Variants in TENM2 observed in about 807,000 individuals in gnomAD.
The protein encoded by TENM2 is teneurin-2.
In TENM2, 52 loss-of-function variants were observed where a neutral mutation model predicts 245.2. The ratio of observed to expected loss-of-function variants is 0.21; its 90% CI spans 0.17 to 0.27. TENM2 has a LOEUF of 0.27. Among genes scored for constraint, TENM2 ranks in the 10% least tolerant of loss-of-function variants. The pLI, the probability that TENM2 is intolerant of heterozygous loss-of-function variation, is 1.00. For missense variants in TENM2, 3,046 were observed against 3,666.8 expected (o/e 0.83, Z 4.37); for synonymous variants, 1,363 against 1,438.9 (o/e 0.95, Z 1.19).
intron 10 of TENM2, among the ~76,000 whole-genome samples, chr5:168,122,705 T>A (rs1795555181): frequency 6.6e-6 from 1 of 151,804 alleles, no homozygotes; most frequent in Admixed American, 6.6e-5. Flanking sequence ...TTTGGGGGAG[T>A]GTACCCCTGA....
exon 29 of TENM2, chr5:168,262,692 C>T: frequency 3.1e-6 from 5 of 1,610,286 alleles, no homozygotes; most frequent in Non-Finnish European, 4.2e-6. Context: ...CTTCTGAGCA[C>T]CGGGCGCGTG....
intron 3 of TENM2, among the ~76,000 whole-genome samples, chr5:167,908,877 G>A (rs1489811408): frequency 6.6e-6 from 1 of 151,810 alleles, no homozygotes; most frequent in African/African-American, 2.4e-5. Context: ...TGCACACCAT[G>A]GGCATCATAG....
the TENM2 span, among the ~76,000 whole-genome samples, chr5:166,985,429 T>C: frequency 6.6e-6 from 1 of 152,172 alleles, no homozygotes; most frequent in African/African-American, 2.4e-5. Context: ...CACTGAAACT[T>C]CTTGAGAAGG....
At chr5:167,348,734 A>G (rs1401346713) in intron 1 of TENM2, among the ~76,000 whole-genome samples, 1 of 152,200 alleles carries the variant, frequency 6.6e-6, no homozygotes, top group Non-Finnish European at 1.5e-5. Flanking sequence ...AACATTAATG[A>G]GTAACTATTA....
intron 2 of TENM2, among the ~76,000 whole-genome samples, chr5:167,404,501 G>A (rs1255019234): frequency 6.6e-6 from 1 of 152,090 alleles, no homozygotes; most frequent in Non-Finnish European, 1.5e-5. Context: ...GCCCACTGGG[G>A]AGAGATAAAC....
rs58985992 is a variant in TENM2, at chr5:167,640,860, C to CATATATATATATATATAT, written c.503-235097_503-235080dup. 6.1e-4 allele frequency among the ~76,000 whole-genome samples: 29 copies of CATATATATATATATATAT among 47,394 alleles called. 2 individuals carry two copies. Among genetic ancestry groups the CATATATATATATATATAT allele is most frequent in the Non-Finnish European group, 1.3e-3 (21 of 15,558 alleles). The allele number at this position is 47,394 out of a possible 152,430, so 31.1% of individuals were successfully genotyped here. ...ATATATCCATATATATATATATATC[C>CATATATATATATATATAT]ATATATATATATATATATATATATA... is the stretch of plus-strand genomic sequence containing the variant. On this transcript the variant is annotated intron_variant, in intron 2 of 28. Transcript: ENST00000518659.
At chr5:167,546,462 A>T (rs1772566064) in intron 2 of TENM2, among the ~76,000 whole-genome samples, 2 of 152,208 alleles carry the variant, frequency 1.3e-5, no homozygotes, top group South Asian at 4.1e-4. Context: ...ATCTTTAATC[A>T]AGAAATGGAG....
the TENM2 span, among the ~76,000 whole-genome samples, chr5:167,205,634 C>T: frequency 6.6e-6 from 1 of 152,128 alleles, no homozygotes; most frequent in African/African-American, 2.4e-5. Flanking sequence ...TGCTGCTTAA[C>T]AAAATTACCC....
chr5:167,845,239 CCACACACACACACACACA>C (rs55784312), intron 2 of TENM2, among the ~76,000 whole-genome samples: 17 of 96,986 alleles, frequency 1.8e-4, no homozygotes, highest in African/African-American at 6.1e-4. Context: ...CCCTCCCGCG[CCACACACACACACACACA>C]CACACACACA....
At chr5:168,074,352 C>T (rs1791277235) in intron 7 of TENM2, among the ~76,000 whole-genome samples, 1 of 152,098 alleles carries the variant, frequency 6.6e-6, no homozygotes, top group Non-Finnish European at 1.5e-5. Context: ...CCTGCCAACC[C>T]CAGAGGGCCT....
At chr5:167,429,366 C>A (rs1294143577) in intron 2 of TENM2, among the ~76,000 whole-genome samples, 1 of 152,136 alleles carries the variant, frequency 6.6e-6, no homozygotes, top group Non-Finnish European at 1.5e-5. Context: ...ATTAATCCAT[C>A]CAAAATTACT....
chr5:168,005,156 A>G (rs918396070), intron 5 of TENM2, among the ~76,000 whole-genome samples: 3 of 152,196 alleles, frequency 2.0e-5, no homozygotes, highest in Non-Finnish European at 2.9e-5. Flanking sequence ...ACCCACAGTG[A>G]TATCCATATT....
intron 13 of TENM2, among the ~76,000 whole-genome samples, chr5:168,170,879 T>A (rs1758752993): frequency 6.6e-6 from 1 of 152,146 alleles, no homozygotes; most frequent in African/African-American, 2.4e-5. Context: ...TCTCATGGAG[T>A]TAGAATCAAA....
chr5:167,363,876 A>G (rs1052768691), intron 1 of TENM2, among the ~76,000 whole-genome samples: 6 of 152,082 alleles, frequency 3.9e-5, no homozygotes, highest in African/African-American at 1.2e-4. Flanking sequence ...ACTATTAACT[A>G]TGTATAATAG....
chr5:167,209,048 A>G, the TENM2 span, among the ~76,000 whole-genome samples: 1 of 152,188 alleles, frequency 6.6e-6, no homozygotes, highest in African/African-American at 2.4e-5. Flanking sequence ...CTTTGTAACT[A>G]CACGTATTTC....
intron 2 of TENM2, among the ~76,000 whole-genome samples, chr5:167,757,183 C>A (rs1018506753): frequency 6.6e-6 from 1 of 151,428 alleles, no homozygotes; most frequent in South Asian, 2.1e-4. Context: ...TGGTGGTTTG[C>A]TGCATCCATC....
chr5:167,564,429 C>T (rs1773774469), intron 2 of TENM2, among the ~76,000 whole-genome samples: 1 of 152,104 alleles, frequency 6.6e-6, no homozygotes, highest in Non-Finnish European at 1.5e-5. Flanking sequence ...TTTAGGAAGA[C>T]TTGGGCTCCT....
intron 2 of TENM2, among the ~76,000 whole-genome samples, chr5:167,831,485 C>CTT (rs10667494): frequency 0.54 from 68,943 of 127,428 alleles, 21,000 homozygotes; most frequent in Non-Finnish European, 0.7. Context: ...GAGTTCAGCA[C>CTT]TTTTTTTTTT....
chr5:167,573,803 C>A (rs1774447824), intron 2 of TENM2, among the ~76,000 whole-genome samples: 1 of 151,884 alleles, frequency 6.6e-6, no homozygotes, highest in Non-Finnish European at 1.5e-5. Context: ...ACATTGCTCC[C>A]CTGTTCCTTC....
Sources: gnomAD v4.1 joint callset for allele counts (sites outside exome capture counted in the v4.1 genomes callset) on GRCh38, gnomAD v4.1.1 for gene constraint, MANE v1.5 for transcripts, NCBI Gene and HGNC (gene_info 2026-07-23, HGNC 2026-07-21) for gene names.